Variants in AKT3 observed in about 807,000 individuals in gnomAD.
AKT3 encodes the protein AKT serine/threonine kinase 3.
In AKT3, 15 loss-of-function variants were observed where a neutral mutation model predicts 65.3. That is an observed-to-expected ratio of 0.23 (90% CI 0.15 to 0.35). AKT3 has a LOEUF of 0.35. Ranked by LOEUF, AKT3 falls within the 10% of genes least tolerant of loss-of-function variation. AKT3 has a pLI of 1.00. For synonymous variants in AKT3, 206 were observed against 183.8 expected (o/e 1.12, Z -0.98); for missense variants, 243 against 576.5 (o/e 0.42, Z 5.92).
chr1:243,591,668 G>GA (rs1342454792), intron 8 of AKT3, among the ~76,000 whole-genome samples: 1 of 151,530 alleles, frequency 6.6e-6, no homozygotes, highest in African/African-American at 2.4e-5. Flanking sequence ...AATAGCTGTT[G>GA]AAAATATAAA....
At chr1:243,661,999 C>G (rs1682384698) in intron 4 of AKT3, among the ~76,000 whole-genome samples, 1 of 146,384 alleles carries the variant, frequency 6.8e-6, no homozygotes, top group African/African-American at 2.5e-5. Flanking sequence ...ATCAAAACCA[C>G]AATGAGATAC....
chr1:243,834,610 C>T (rs568991705), intron 2 of AKT3, among the ~76,000 whole-genome samples: 64 of 152,058 alleles, frequency 4.2e-4, no homozygotes, highest in South Asian at 1.0e-3. Context: ...AGGTGAGGAT[C>T]TTAAAACTAC....
intron 13 of AKT3, among the ~76,000 whole-genome samples, chr1:243,511,505 C>T (rs544213106): frequency 6.6e-6 from 1 of 152,228 alleles, no homozygotes; most frequent in South Asian, 2.1e-4. Context: ...GAGGAGAAGA[C>T]ATATAGGGAA....
chr1:243,711,177 G>T (rs545531699), intron 2 of AKT3, among the ~76,000 whole-genome samples: 1 of 152,212 alleles, frequency 6.6e-6, no homozygotes, highest in African/African-American at 2.4e-5. Flanking sequence ...AAATTAGCCA[G>T]GTGTGGTGGC....
intron 12 of AKT3, among the ~76,000 whole-genome samples, chr1:243,537,315 C>T (rs756325024): frequency 7.2e-5 from 11 of 152,104 alleles, no homozygotes; most frequent in Non-Finnish European, 1.2e-4. Context: ...TCTAATTAAA[C>T]TCTGAATTTC....
In AKT3 at chr1:243,501,596, CTA is replaced by C. The variant is rs987271306; in HGVS notation, c.*3651_*3652del. 9 of 232,652 alleles carry C rather than the reference CTA, an allele frequency of 3.9e-5. No homozygotes were observed. Among genetic ancestry groups the C allele is most frequent in the Admixed American group, 1.1e-4 (2 of 17,726 alleles). 14.4% of individuals were successfully genotyped at this position (232,652 alleles called of 1,614,324 possible). ...ATTTCACTGAAGTAAAAATGATCCC[CTA>C]TGTGTGTGTGTGTGAGCTACAAGGA... On this transcript the variant is annotated 3_prime_UTR_variant, in exon 14 of 14. Transcript: ENST00000673466.
chr1:243,738,977 C>T lies in AKT3; in HGVS notation c.47-43261G>A, dbSNP rs537408583. 1.1e-4 allele frequency among the ~76,000 whole-genome samples: 16 copies of T among 152,182 alleles called. No homozygotes were observed. The East Asian group carries it at 1.4e-3, about 13-fold the overall frequency. On this transcript the variant is annotated intron_variant, in intron 2 of 13. Coordinates refer to ENST00000673466, the MANE Select transcript of AKT3 (RefSeq NM_005465.7). ...GAGGCTCCCTTTTCCTTCTTTATAA[C>T]GAATTCACCATCTCTCATTTAATCA... is the stretch of plus-strand genomic sequence containing the variant.
intron 4 of AKT3, among the ~76,000 whole-genome samples, chr1:243,661,059 G>C (rs1301694924): frequency 1.3e-5 from 2 of 152,230 alleles, no homozygotes; most frequent in Admixed American, 1.3e-4. Flanking sequence ...AATAAAAGAG[G>C]ATACAAACAA....
chr1:243,819,605 C>A (rs1558842725), intron 2 of AKT3, among the ~76,000 whole-genome samples: 1 of 152,236 alleles, frequency 6.6e-6, no homozygotes, highest in Non-Finnish European at 1.5e-5. Flanking sequence ...AGGAGTGTGA[C>A]AATCCCCAGC....
intron 9 of AKT3, among the ~76,000 whole-genome samples, chr1:243,565,516 T>C (rs1214612105): frequency 1.3e-5 from 2 of 152,228 alleles, no homozygotes; most frequent in Non-Finnish European, 2.9e-5. Context: ...TGAGCCACCA[T>C]GCCCCACCAA....
chr1:243,719,532 G>A (rs973632135), intron 2 of AKT3, among the ~76,000 whole-genome samples: 4 of 152,170 alleles, frequency 2.6e-5, no homozygotes, highest in Non-Finnish European at 5.9e-5. Context: ...AATCACTGTT[G>A]AGTGTATCAG....
At chr1:243,671,116 T>C (rs963367870) in intron 3 of AKT3, among the ~76,000 whole-genome samples, 5 of 151,138 alleles carry the variant, frequency 3.3e-5, no homozygotes, top group South Asian at 2.1e-4. Flanking sequence ...TCTCGCTCTG[T>C]TGCCCAGGCT....
At chr1:243,544,087 T>C (rs1672493777) in intron 12 of AKT3, among the ~76,000 whole-genome samples, 1 of 151,888 alleles carries the variant, frequency 6.6e-6, no homozygotes. Context: ...ATATGAAATG[T>C]TGGAATAAAC....
intron 2 of AKT3, among the ~76,000 whole-genome samples, chr1:243,750,735 T>C (rs1688761628): frequency 6.6e-6 from 1 of 151,760 alleles, no homozygotes; most frequent in African/African-American, 2.4e-5. Flanking sequence ...GTGCCTGCCA[T>C]CACACCTGGC....
chr1:243,734,676 C>T (rs1208643582), intron 2 of AKT3, among the ~76,000 whole-genome samples: 5 of 152,158 alleles, frequency 3.3e-5, no homozygotes, highest in African/African-American at 1.2e-4. Flanking sequence ...CTGTAGACTA[C>T]TGTGGACTTC....
intron 8 of AKT3, among the ~76,000 whole-genome samples, chr1:243,592,845 T>C (rs1676329718): frequency 6.6e-6 from 1 of 152,206 alleles, no homozygotes; most frequent in South Asian, 2.1e-4. Context: ...AGATAATCAC[T>C]GGTTTAAAAC....
At chr1:243,602,974 AC>A (rs1195572774) in intron 8 of AKT3, among the ~76,000 whole-genome samples, 1 of 152,200 alleles carries the variant, frequency 6.6e-6, no homozygotes, top group Non-Finnish European at 1.5e-5. Flanking sequence ...GATTTTGGAA[AC>A]AAGTCCTAAG....
chr1:243,816,853 T>C (rs1321664705), intron 2 of AKT3, among the ~76,000 whole-genome samples: 1 of 152,200 alleles, frequency 6.6e-6, no homozygotes, highest in Admixed American at 6.5e-5. Flanking sequence ...TATGCTACCA[T>C]GGTGGATTAC....
At chr1:243,794,347 A>G (rs1691819679) in intron 2 of AKT3, 1 of 152,196 alleles carries the variant, frequency 6.6e-6, no homozygotes, top group African/African-American at 2.4e-5. Context: ...GTGTTTCTTC[A>G]TTAAAAAATA....
Sources: gnomAD v4.1 joint callset for allele counts (sites outside exome capture counted in the v4.1 genomes callset) on GRCh38, gnomAD v4.1.1 for gene constraint, MANE v1.5 for transcripts, NCBI Gene and HGNC (gene_info 2026-07-23, HGNC 2026-07-21) for gene names.